The following NRXN1 variants were observed in gnomAD, a reference collection of about 807,000 sequenced individuals.
NRXN1 encodes the protein neurexin-1.
NRXN1 carries 39 observed loss-of-function variants against 150.9 expected under a neutral mutation model. The ratio of observed to expected loss-of-function variants is 0.26; its 90% CI spans 0.20 to 0.34. The LOEUF (loss-of-function observed/expected upper bound fraction) is 0.34. Ranked by LOEUF, NRXN1 falls within the 10% of genes least tolerant of loss-of-function variation. The pLI is 1.00. For synonymous variants in NRXN1, 924 were observed against 757.0 expected (o/e 1.22, Z -3.62); for missense variants, 1,815 against 1,949.9 (o/e 0.93, Z 1.30).
rs1286589137 is a variant in NRXN1 at position 50,409,845 on chromosome 2, G to A, written c.3364+55597C>T. ...GATATGATTAGGCAATTCTTTATAA[G>A]TGGACACATCTTTTGTAACTGATTT... On this transcript the variant is annotated intron_variant, in intron 17 of 22. Transcript: ENST00000401669. Among the ~76,000 whole-genome samples, 3 of 152,212 alleles carry A rather than the reference G, an allele frequency of 2.0e-5. No individual in the cohort carries two copies. The East Asian group carries it at 5.8e-4, about 29-fold the overall frequency.
intron 5 of NRXN1, among the ~76,000 whole-genome samples, chr2:50,874,607 A>T (rs1678291659): frequency 6.6e-6 from 1 of 151,874 alleles, no homozygotes; most frequent in Non-Finnish European, 1.5e-5. Flanking sequence ...AATAGTAGTA[A>T]TAAAAGTAAT....
intron 18 of NRXN1, among the ~76,000 whole-genome samples, chr2:50,160,129 G>C (rs940660879): frequency 1.3e-5 from 2 of 151,974 alleles, no homozygotes; most frequent in Non-Finnish European, 2.9e-5. Context: ...TTGACATCAA[G>C]AACTAGTACA....
chr2:50,078,196 T>C (rs1194545010), intron 19 of NRXN1, among the ~76,000 whole-genome samples: 1 of 152,080 alleles, frequency 6.6e-6, no homozygotes, highest in Non-Finnish European at 1.5e-5. Context: ...TTGCTATTCT[T>C]CTGGAATAAA....
At chr2:50,593,728 C>T (rs995000596) in intron 8 of NRXN1, among the ~76,000 whole-genome samples, 14 of 151,962 alleles carry the variant, frequency 9.2e-5, no homozygotes, top group Non-Finnish European at 1.5e-5. Flanking sequence ...ATTTTGGCCA[C>T]GTTTTAAAGA....
intron 5 of NRXN1, among the ~76,000 whole-genome samples, chr2:50,746,343 AG>A (rs1700027482): frequency 6.6e-6 from 1 of 152,056 alleles, no homozygotes; most frequent in African/African-American, 2.4e-5. Context: ...GGACTGCTTG[AG>A]GTCAGGAGTT....
rs538577289 is a variant in NRXN1, at chr2:50,702,603, A to G, written c.833-78988T>C. On this transcript the variant is annotated intron_variant, in intron 5 of 22. Transcript: ENST00000401669. ...GCCACATCTCAGACTGAAGAATTAA[A>G]AACAACAGTATTTCATACTTTTCTT... 2.6e-5 allele frequency among the ~76,000 whole-genome samples: 4 copies of G among 152,246 alleles called. No homozygotes were observed. The South Asian group carries it at 8.3e-4, about 32-fold the overall frequency.
intron 19 of NRXN1, among the ~76,000 whole-genome samples, chr2:50,086,852 G>A (rs909462371): frequency 1.4e-5 from 2 of 143,918 alleles, no homozygotes; most frequent in Admixed American, 6.9e-5. Context: ...GAGAGAGAGC[G>A]AGCCGAAAAT....
At chr2:49,974,296 T>C (rs1185125951) in intron 21 of NRXN1, 2 of 541,012 alleles carry the variant, frequency 3.7e-6, no homozygotes, top group South Asian at 1.8e-5. Flanking sequence ...GACGAGGCTG[T>C]TGGTACACAG....
intron 17 of NRXN1, among the ~76,000 whole-genome samples, chr2:50,288,143 A>G (rs893655478): frequency 2.0e-5 from 3 of 152,166 alleles, no homozygotes; most frequent in African/African-American, 7.2e-5. Flanking sequence ...CATATGAATA[A>G]CTTTCCATCA....
intron 20 of NRXN1, among the ~76,000 whole-genome samples, chr2:50,054,569 C>A (rs1693305881): frequency 6.6e-6 from 1 of 151,818 alleles, no homozygotes; most frequent in African/African-American, 2.4e-5. Flanking sequence ...TTTTTCAGGA[C>A]CATAATAAAG....
At chr2:50,284,497 T>C (rs1360565532) in intron 17 of NRXN1, among the ~76,000 whole-genome samples, 1 of 152,176 alleles carries the variant, frequency 6.6e-6, no homozygotes, top group East Asian at 1.9e-4. Flanking sequence ...ATTCTTTTAA[T>C]AATGGCTGCC....
At chr2:50,119,492 C>G (rs1703547866) in intron 18 of NRXN1, among the ~76,000 whole-genome samples, 2 of 151,172 alleles carry the variant, frequency 1.3e-5, no homozygotes, top group Admixed American at 6.6e-5. Context: ...TCTAAAGCCC[C>G]GCGGCAGGGA....
chr2:50,170,761 G>A (rs2059981362), intron 18 of NRXN1, among the ~76,000 whole-genome samples: 1 of 74,854 alleles, frequency 1.3e-5, no homozygotes, highest in Non-Finnish European at 2.9e-5. Flanking sequence ...TCTGTCGTGT[G>A]TGTGTGTGTG....
intron 18 of NRXN1, among the ~76,000 whole-genome samples, chr2:50,155,913 A>T (rs865934553): frequency 1.6e-4 from 24 of 151,738 alleles, no homozygotes; most frequent in African/African-American, 5.1e-4. Flanking sequence ...TTGTACAAAA[A>T]GTAGAATGTT....
At chr2:50,147,055 A>G (rs1007856440) in intron 18 of NRXN1, among the ~76,000 whole-genome samples, 6 of 151,728 alleles carry the variant, frequency 4.0e-5, no homozygotes, top group African/African-American at 1.5e-4. Flanking sequence ...CACTCAGTAC[A>G]AATGCTCTCT....
chr2:50,509,002 GT>G (rs1362226908), intron 12 of NRXN1, among the ~76,000 whole-genome samples: 1 of 152,206 alleles, frequency 6.6e-6, no homozygotes, highest in Non-Finnish European at 1.5e-5. Context: ...TAAAAAAGAA[GT>G]TGGGGGTTGC....
chr2:49,922,743 A>G (rs1668444558), intron 22 of NRXN1, among the ~76,000 whole-genome samples: 1 of 152,220 alleles, frequency 6.6e-6, no homozygotes, highest in Non-Finnish European at 1.5e-5. Context: ...AGAATACAGT[A>G]TTGAACAATA....
intron 17 of NRXN1, among the ~76,000 whole-genome samples, chr2:50,375,803 T>C (rs2080445846): frequency 6.6e-6 from 1 of 151,942 alleles, no homozygotes; most frequent in African/African-American, 2.4e-5. Context: ...AAGAGGGCTC[T>C]ATGATACAAG....
At chr2:50,082,115 C>G (rs538089654) in intron 19 of NRXN1, among the ~76,000 whole-genome samples, 1 of 152,254 alleles carries the variant, frequency 6.6e-6, no homozygotes, top group South Asian at 2.1e-4. Flanking sequence ...CACCTCATTT[C>G]CTAAAAGCTA....
Sources: allele counts gnomAD v4.1 joint callset (sites outside exome capture counted in the v4.1 genomes callset), GRCh38; gene constraint gnomAD v4.1.1; transcripts MANE v1.5; gene names NCBI Gene and HGNC (gene_info 2026-07-23, HGNC 2026-07-21).